Variants in TMEM132B observed in about 807,000 individuals in gnomAD.
TMEM132B encodes transmembrane protein 132B.
Under a neutral mutation model 90.8 loss-of-function variants are expected in TMEM132B, and 18 were observed. That is an observed-to-expected ratio of 0.20 (90% CI 0.14 to 0.29). The LOEUF (loss-of-function observed/expected upper bound fraction) is 0.29, where lower values mean the gene tolerates loss of function less well. Ranked by LOEUF, TMEM132B falls within the 10% of genes least tolerant of loss-of-function variation. The pLI is 1.00. For synonymous variants in TMEM132B, 504 were observed against 523.3 expected (o/e 0.96, Z 0.50); for missense variants, 1,096 against 1,326.8 (o/e 0.83, Z 2.70).
intron 1 of TMEM132B, among the ~76,000 whole-genome samples, chr12:125,229,963 G>A (rs766820871): frequency 2.0e-5 from 3 of 152,240 alleles, no homozygotes; most frequent in Non-Finnish European, 2.9e-5. Context: ...TGCTCAGGAG[G>A]ATAGAAAATG....
chr12:125,474,051 T>C lies in TMEM132B; in HGVS notation c.1107-45388T>C, dbSNP rs866905520. On this transcript the variant is annotated intron_variant, in intron 3 of 8. Transcript: ENST00000682704. The stretch of plus-strand genomic sequence containing the variant: ...CTTTCCTTCCTTCCTTCCTTCCTTC[T>C]TTCTTTTTCCTTTCCTTTCCTTTCC... Among the ~76,000 whole-genome samples, 295 of 128,678 alleles carry C rather than the reference T, an allele frequency of 2.3e-3. 1 individual carries two copies. The highest frequency in any genetic ancestry group is 8.4e-3 in the African/African-American group (262 of 31,162). The allele number at this position is 128,678 out of a possible 152,430, so 84.4% of individuals were successfully genotyped here.
chr12:125,217,771 A>G (rs754241720), intron 1 of TMEM132B, among the ~76,000 whole-genome samples: 2 of 152,172 alleles, frequency 1.3e-5, no homozygotes. Context: ...CTTTAATTCT[A>G]AATGCACTGA....
At chr12:125,265,130 A>G (rs1360901845) in intron 1 of TMEM132B, among the ~76,000 whole-genome samples, 1 of 152,220 alleles carries the variant, frequency 6.6e-6, no homozygotes, top group Non-Finnish European at 1.5e-5. Context: ...CTAAACATGT[A>G]TAGTAAAAAT....
rs148912728 is a variant in TMEM132B at position 125,402,104 on chromosome 12, G to T, written c.960-13427G>T. On this transcript the variant is annotated intron_variant, in intron 2 of 8. Transcript: ENST00000682704. ...TTTCCCCAAGAGCTTCACGATACTC[G>T]GCTATTGAAACTGCTGTCTTCTGAA... is the stretch of plus-strand genomic sequence containing the variant. 5.6e-3 allele frequency among the ~76,000 whole-genome samples: 855 copies of T among 152,236 alleles called. 10 individuals carry two copies. Among genetic ancestry groups the T allele is most frequent in the African/African-American group, 0.019 (786 of 41,550 alleles).
At chr12:125,627,519 G>GT (rs1449399630) in intron 5 of TMEM132B, among the ~76,000 whole-genome samples, 4 of 150,010 alleles carry the variant, frequency 2.7e-5, no homozygotes, top group East Asian at 2.0e-4. Context: ...AAGTTTGAGG[G>GT]TTTTTTAACA....
At chr12:125,359,912 T>G (rs937206902) in intron 2 of TMEM132B, among the ~76,000 whole-genome samples, 4 of 152,194 alleles carry the variant, frequency 2.6e-5, no homozygotes, top group Non-Finnish European at 5.9e-5. Flanking sequence ...ACCCCGTCTC[T>G]ACTAAAGATA....
intron 1 of TMEM132B, among the ~76,000 whole-genome samples, chr12:125,272,113 G>A (rs1220711509): frequency 6.6e-6 from 1 of 152,196 alleles, no homozygotes; most frequent in Non-Finnish European, 1.5e-5. Context: ...CAGAGATGGA[G>A]GCTTCCTCTC....
At chr12:125,619,330 ATATTTATTTATTTATTTATTTATT>A (rs58234813) in intron 5 of TMEM132B, among the ~76,000 whole-genome samples, 14,906 of 139,804 alleles carry the variant, frequency 0.11, 1,048 homozygotes, top group South Asian at 0.21. Flanking sequence ...GCATTTATTT[ATATTTATTTATTTATTTATTTATT>A]TATTTATTTA....
At chr12:125,530,956 C>T (rs1214488023) in intron 4 of TMEM132B, among the ~76,000 whole-genome samples, 1 of 152,188 alleles carries the variant, frequency 6.6e-6, no homozygotes, top group East Asian at 1.9e-4. Context: ...ACATGAGTGC[C>T]ATTAACCACT....
chr12:125,270,112 T>TTTTGTGTGTG (rs372403246), intron 1 of TMEM132B, among the ~76,000 whole-genome samples: 1 of 143,250 alleles, frequency 7.0e-6, no homozygotes, highest in African/African-American at 2.6e-5. Flanking sequence ...CACATCTTTG[T>TTTTGTGTGTG]TGTGTGTGTG....
At chr12:125,541,350 C>T (rs1010458014) in intron 4 of TMEM132B, among the ~76,000 whole-genome samples, 1 of 152,150 alleles carries the variant, frequency 6.6e-6, no homozygotes, top group Non-Finnish European at 1.5e-5. Flanking sequence ...CCTGGCACCC[C>T]TGATTCTGTC....
At chr12:125,222,814 C>G (rs926150784) in intron 1 of TMEM132B, among the ~76,000 whole-genome samples, 2 of 152,240 alleles carry the variant, frequency 1.3e-5, no homozygotes, top group Admixed American at 1.3e-4. Flanking sequence ...CCAAAAATGT[C>G]TCTAGACATT....
chr12:125,219,851 G>C (rs1237919073), intron 1 of TMEM132B, among the ~76,000 whole-genome samples: 2 of 152,232 alleles, frequency 1.3e-5, no homozygotes, highest in Non-Finnish European at 2.9e-5. Context: ...AGGAGCCACT[G>C]TTTCCCCCAG....
intron 3 of TMEM132B, among the ~76,000 whole-genome samples, chr12:125,481,887 A>G (rs2136529850): frequency 6.6e-6 from 1 of 152,360 alleles, no homozygotes; most frequent in Admixed American, 6.5e-5. Context: ...ACAGCATGAT[A>G]CTAGTACCAA....
intron 1 of TMEM132B, among the ~76,000 whole-genome samples, chr12:125,197,242 C>G (rs1294420028): frequency 1.3e-5 from 2 of 152,138 alleles, no homozygotes; most frequent in African/African-American, 4.8e-5. Context: ...AAAAATTCTT[C>G]CTCTGTTCAT....
intron 4 of TMEM132B, among the ~76,000 whole-genome samples, chr12:125,565,165 A>T (rs1210765921): frequency 1.3e-5 from 2 of 152,200 alleles, no homozygotes; most frequent in Non-Finnish European, 2.9e-5. Context: ...TGACTTCTGA[A>T]GTGACCGAGC....
chr12:125,515,770 A>T (rs1282544838), intron 3 of TMEM132B, among the ~76,000 whole-genome samples: 2 of 151,898 alleles, frequency 1.3e-5, no homozygotes, highest in South Asian at 2.1e-4. Flanking sequence ...ATTCTCACAC[A>T]CATTTGCACA....
At position 125,656,622 on chromosome 12, in the gene TMEM132B, G is replaced by A. The variant is rs1887067683; in HGVS notation, c.*1912G>A. On this transcript the variant is annotated 3_prime_UTR_variant, in exon 9 of 9. Coordinates refer to ENST00000682704, the MANE Select transcript of TMEM132B (RefSeq NM_001366854.1). ...CAGTTTGATGGGATAAGGAAGCAAGGAGAGCCAGGCATTAGCTGCAAAAGG... is the reference window on the plus strand; with the variant it reads ...CAGTTTGATGGGATAAGGAAGCAAGAAGAGCCAGGCATTAGCTGCAAAAGG... 1 of 152,214 alleles carries A rather than the reference G, an allele frequency of 6.6e-6. No homozygotes were observed. Among genetic ancestry groups the A allele is most frequent in the East Asian group, 1.9e-4 (1 of 5,194 alleles). The allele number at this position is 152,214 out of a possible 1,614,324, so 9.4% of individuals were successfully genotyped here.
intron 1 of TMEM132B, among the ~76,000 whole-genome samples, chr12:125,197,705 G>T (rs1872956416): frequency 6.6e-6 from 1 of 152,180 alleles, no homozygotes; most frequent in Non-Finnish European, 1.5e-5. Flanking sequence ...TGTTCAAGTA[G>T]GGAATGCTCT....
Sources: gnomAD v4.1 joint callset for allele counts (sites outside exome capture counted in the v4.1 genomes callset) on GRCh38, gnomAD v4.1.1 for gene constraint, MANE v1.5 for transcripts, NCBI Gene and HGNC (gene_info 2026-07-23, HGNC 2026-07-21) for gene names.